GSE1: variants seen among roughly 807,000 people sequenced by gnomAD.
GSE1 encodes the protein genetic suppressor element 1.
GSE1 carries 32 observed loss-of-function variants against 112.6 expected under a neutral mutation model. The ratio of observed to expected loss-of-function variants is 0.28; its 90% CI spans 0.21 to 0.38. The LOEUF (loss-of-function observed/expected upper bound fraction) is 0.38. Among genes scored for constraint, GSE1 ranks in the 10% least tolerant of loss-of-function variants. GSE1 has a pLI of 1.00. For synonymous variants in GSE1, 1,115 were observed against 735.6 expected (o/e 1.52, Z -8.35); for missense variants, 2,348 against 1,699.2 (o/e 1.38, Z -6.71).
rs200247132 is a variant in GSE1, at chr16:85,634,001, C to T, written c.95C>T (p.Ser32Leu). The stretch of plus-strand genomic sequence containing the variant: ...GCCACCGTCAACCCCCTCACCCCCT[C>T]GCCGCTCAATGGCGCCCTGGTGCCC... ...TTATVNPLTP[S>L]PLNGALVPSG... The change falls in exon 2 of 16, where the codon TCG becomes TTG. Residue 32 changes from serine to leucine, a missense_variant. By Grantham distance (145) the Ser-to-Leu change is moderately radical. Coordinates refer to ENST00000253458, the MANE Select transcript of GSE1 (RefSeq NM_014615.5). The T allele has an allele frequency of 1.5e-4, 235 of 1,612,906 alleles. No homozygotes were observed. The highest frequency in any genetic ancestry group is 2.5e-4 in the Admixed American group (15 of 59,992).
At chr16:85,424,734 T>A (rs868128486) in intron 2 of GSE1, among the ~76,000 whole-genome samples, 97 of 152,330 alleles carry the variant, frequency 6.4e-4, no homozygotes, top group African/African-American at 2.2e-3. Context: ...CGAGGGCTCC[T>A]CACGCCCCGA....
intron 1 of GSE1, among the ~76,000 whole-genome samples, chr16:85,175,243 T>C (rs1484894323): frequency 6.6e-6 from 1 of 152,206 alleles, no homozygotes; most frequent in African/African-American, 2.4e-5. Context: ...CACCATGCTC[T>C]GCAGGCACCT....
At position 85,339,594 on chromosome 16, in the gene GSE1, A is replaced by C. The variant is rs1030368788; in HGVS notation, c.2284-17869A>C. On this transcript the variant is annotated intron_variant, in intron 1 of 2. Coordinates refer to the GSE1 transcript ENST00000637419. The stretch of plus-strand genomic sequence containing the variant: ...CTTCTCAATGTTCTCCCATTATTAG[A>C]TTTCTTTCCGTGGATGTGCGGAGGG... Among the ~76,000 whole-genome samples the C allele has an allele frequency of 5.1e-5, 6 of 117,244 alleles. No homozygotes were observed. The Admixed American group carries it at 7.3e-4, about 14-fold the overall frequency. 76.9% of individuals were successfully genotyped at this position (117,244 alleles called of 152,430 possible).
At chr16:85,194,664 A>C (rs954803803) in intron 1 of GSE1, among the ~76,000 whole-genome samples, 1 of 152,150 alleles carries the variant, frequency 6.6e-6, no homozygotes. Flanking sequence ...GATTAAAGAC[A>C]GTTAACCAGG....
At chr16:85,614,268 C>A (rs567147843) in intron 1 of GSE1, among the ~76,000 whole-genome samples, 116 of 152,234 alleles carry the variant, frequency 7.6e-4, no homozygotes, top group Non-Finnish European at 1.5e-3. Context: ...GGCGAGTGGC[C>A]CGACCGAGTG....
intron 2 of GSE1, among the ~76,000 whole-genome samples, chr16:85,369,938 C>G (rs746076780): frequency 1.1e-4 from 17 of 152,250 alleles, no homozygotes; most frequent in Non-Finnish European, 1.3e-4. Context: ...AGGGTGCATT[C>G]TGCGTCACCC....
chr16:85,276,200 C>A (rs1207295063), intron 1 of GSE1, among the ~76,000 whole-genome samples: 1 of 152,252 alleles, frequency 6.6e-6, no homozygotes, highest in Non-Finnish European at 1.5e-5. Context: ...CCTTGCGGCG[C>A]AGCTGGAAGA....
intron 2 of GSE1, among the ~76,000 whole-genome samples, chr16:85,640,868 C>T (rs545858098): frequency 3.3e-5 from 5 of 152,362 alleles, no homozygotes; most frequent in Admixed American, 2.0e-4. Context: ...GCGCCGCGGG[C>T]GTCCTCATGG....
At chr16:85,436,591 CG>C (rs2049251549) in intron 2 of GSE1, among the ~76,000 whole-genome samples, 2 of 152,344 alleles carry the variant, frequency 1.3e-5, no homozygotes, top group South Asian at 2.1e-4. Flanking sequence ...AGTGTGAAGG[CG>C]GGGACCTCGG....
intron 1 of GSE1, among the ~76,000 whole-genome samples, chr16:85,258,786 G>A (rs1420397891): frequency 6.6e-6 from 1 of 152,182 alleles, no homozygotes; most frequent in African/African-American, 2.4e-5. Flanking sequence ...TCAGGCCCGC[G>A]AAGGGAGCTG....
At chr16:85,652,127 G>A (rs1273178714) in intron 3 of GSE1, among the ~76,000 whole-genome samples, 5 of 152,308 alleles carry the variant, frequency 3.3e-5, no homozygotes, top group East Asian at 1.9e-4. Flanking sequence ...CCACATGCCC[G>A]TGCACAGCTG....
intron 1 of GSE1, among the ~76,000 whole-genome samples, chr16:85,277,708 A>G (rs1909509727): frequency 6.6e-6 from 1 of 152,204 alleles, no homozygotes; most frequent in Non-Finnish European, 1.5e-5. Flanking sequence ...CCTCACCCCT[A>G]CAAAGCATCT....
At chr16:85,589,760 C>T (rs1371013977) in intron 1 of GSE1, among the ~76,000 whole-genome samples, 1 of 151,736 alleles carries the variant, frequency 6.6e-6, no homozygotes, top group Non-Finnish European at 1.5e-5. Flanking sequence ...CATGTGTGAA[C>T]TTGTGTGACA....
upstream of GSE1, among the ~76,000 whole-genome samples, chr16:85,609,575 T>A (rs2047872763): frequency 6.6e-6 from 1 of 152,180 alleles, no homozygotes. Flanking sequence ...AGGACTCCCG[T>A]CTCCAGACAC....
intron 2 of GSE1, among the ~76,000 whole-genome samples, chr16:85,429,148 T>A (rs958431789): frequency 6.6e-6 from 1 of 152,160 alleles, no homozygotes; most frequent in African/African-American, 2.4e-5. Flanking sequence ...GCAACATACA[T>A]GCAGAGGTGC....
chr16:85,544,562 C>A (rs537976032), intron 2 of GSE1, among the ~76,000 whole-genome samples: 1 of 152,150 alleles, frequency 6.6e-6, no homozygotes, highest in Non-Finnish European at 1.5e-5. Flanking sequence ...TCTGGTCTGT[C>A]GCACTAAAAA....
intron 2 of GSE1, among the ~76,000 whole-genome samples, chr16:85,641,895 C>T (rs1162004723): frequency 6.6e-6 from 1 of 152,248 alleles, no homozygotes; most frequent in Non-Finnish European, 1.5e-5. Flanking sequence ...CTCCTTTCCA[C>T]ATCCATGTCG....
intron 2 of GSE1, among the ~76,000 whole-genome samples, chr16:85,494,876 C>A (rs1279408837): frequency 6.6e-6 from 1 of 152,224 alleles, no homozygotes; most frequent in Non-Finnish European, 1.5e-5. Context: ...TGTGGCAGCC[C>A]CCACACAGAA....
chr16:85,596,896 C>T (rs966360125), intron 1 of GSE1, among the ~76,000 whole-genome samples: 2 of 152,122 alleles, frequency 1.3e-5, no homozygotes, highest in African/African-American at 2.4e-5. Context: ...ATTATCTGGG[C>T]GTGGTGGCAC....
Sources: gnomAD v4.1 joint callset for allele counts (sites outside exome capture counted in the v4.1 genomes callset) on GRCh38, gnomAD v4.1.1 for gene constraint, MANE v1.5 for transcripts, NCBI Gene and HGNC (gene_info 2026-07-23, HGNC 2026-07-21) for gene names.